Variants in HPD observed in about 807,000 individuals in gnomAD.
The protein encoded by HPD is 4-hydroxyphenylpyruvate dioxygenase.
A neutral mutation model predicts 56.9 loss-of-function variants in HPD; 35 were observed. That is an observed-to-expected ratio of 0.62 (90% confidence interval 0.47 to 0.82). The LOEUF is 0.82. Ranked by LOEUF, HPD falls within the 40% of genes least tolerant of loss-of-function variation. HPD has a pLI of 0.00. For synonymous variants in HPD, 186 were observed against 200.2 expected (o/e 0.93, Z 0.60); for missense variants, 442 against 506.8 (o/e 0.87, Z 1.23).
chr12:121,843,623 C>T (rs952872928), intron 12 of HPD, 87 bp downstream of exon 12: 1 of 1,518,274 alleles, frequency 6.6e-7, no homozygotes, highest in Non-Finnish European at 9.0e-7. Context: ...TCTGGGCTCC[C>T]CTCCGGGCTG....
chr12:121,840,052 G>A lies in HPD; in HGVS notation c.955-4C>T, dbSNP rs747789301. 45 of 1,599,952 alleles carry A rather than the reference G, an allele frequency of 2.8e-5. No individual in the cohort carries two copies. The highest frequency in any genetic ancestry group is 1.7e-4 in the Middle Eastern group (1 of 6,056). ...AGTCCACCAGGATTTTCAGCTCCTA[G>A]GCGGGAGACAGGGGGCTCTGCTAGG... is the stretch of plus-strand genomic sequence containing the variant. On this transcript the variant is annotated splice_region_variant and splice_polypyrimidine_tract_variant and intron_variant, in intron 12 of 13. Coordinates refer to ENST00000289004, the MANE Select transcript of HPD (RefSeq NM_002150.3).
At chr12:121,841,690 T>TC (rs1877411675) in intron 12 of HPD, among the ~76,000 whole-genome samples, 1 of 152,024 alleles carries the variant, frequency 6.6e-6, no homozygotes, top group East Asian at 1.9e-4. Context: ...TGATTCCTTT[T>TC]TTTTTTTTTC....
At chr12:121,884,098 A>G in the HPD span, among the ~76,000 whole-genome samples, 1 of 152,092 alleles carries the variant, frequency 6.6e-6, no homozygotes. Flanking sequence ...AAGTCTTTTA[A>G]AGCCGCTGTT....
At chr12:121,877,205 G>GTA in the HPD span, among the ~76,000 whole-genome samples, 99 of 152,178 alleles carry the variant, frequency 6.5e-4, no homozygotes, top group African/African-American at 2.3e-3. Flanking sequence ...TGTGAGGGAG[G>GTA]TATTATTCTA....
intron 4 of HPD, 88 bp downstream of exon 4, chr12:121,857,240 C>A: frequency 1.1e-6 from 1 of 882,634 alleles, no homozygotes; most frequent in South Asian, 1.3e-5. Context: ...CCATCATGCC[C>A]AGCTAATTTT....
At chr12:121,868,495 T>C (rs1054926844), upstream of HPD, among the ~76,000 whole-genome samples, 1 of 144,118 alleles carries the variant, frequency 6.9e-6, no homozygotes, top group African/African-American at 2.6e-5. Flanking sequence ...ACCCAGCCCT[T>C]TGCCTGTCTA....
chr12:121,879,509 C>CTCTT, the HPD span, among the ~76,000 whole-genome samples: 1 of 17,468 alleles, frequency 5.7e-5, no homozygotes, highest in African/African-American at 1.6e-4. Flanking sequence ...TCTCTTTTTT[C>CTCTT]TTTTCTTTTC....
At chr12:121,881,571 G>A in the HPD span, among the ~76,000 whole-genome samples, 4 of 151,918 alleles carry the variant, frequency 2.6e-5, no homozygotes, top group African/African-American at 9.7e-5. Context: ...TAAGGGGTGG[G>A]GTAAGAGACC....
chr12:121,858,906 C>T, upstream of HPD: 2 of 1,544,168 alleles, frequency 1.3e-6, no homozygotes, highest in Non-Finnish European at 1.8e-6. Flanking sequence ...GCAGGTCCCG[C>T]CCAGGCCTCC....
chr12:121,870,649 T>C, the HPD span, among the ~76,000 whole-genome samples: 1 of 141,382 alleles, frequency 7.1e-6, no homozygotes, highest in Non-Finnish European at 1.5e-5. Flanking sequence ...TAGGTTGGAG[T>C]GCAATGGCGG....
chr12:121,868,607 C>A, the HPD span, among the ~76,000 whole-genome samples: 557 of 151,370 alleles, frequency 3.7e-3, 6 homozygotes, highest in African/African-American at 0.012. Context: ...GCAGCCTCTG[C>A]CTCCCAGGTT....
intron 9 of HPD, among the ~76,000 whole-genome samples, chr12:121,847,664 A>C (rs756362514): frequency 6.6e-6 from 1 of 152,102 alleles, no homozygotes; most frequent in Non-Finnish European, 1.5e-5. Flanking sequence ...CAGCCTCCCA[A>C]GTAGCTGGGA....
chr12:121,869,966 TG>T, the HPD span, among the ~76,000 whole-genome samples: 1 of 152,068 alleles, frequency 6.6e-6, no homozygotes, highest in Non-Finnish European at 1.5e-5. Flanking sequence ...ATTTTAGAGA[TG>T]GGGTCTTCCT....
chr12:121,850,629 A>ACGTCCAGCCAATTT (rs1566571271), intron 7 of HPD, among the ~76,000 whole-genome samples: 4 of 147,270 alleles, frequency 2.7e-5, no homozygotes, highest in East Asian at 4.1e-4. Context: ...GTGTACCACC[A>ACGTCCAGCCAATTT]TGCCGGGCCC....
chr12:121,881,206 G>T, the HPD span, among the ~76,000 whole-genome samples: 1 of 152,162 alleles, frequency 6.6e-6, no homozygotes, highest in Non-Finnish European at 1.5e-5. Context: ...TGGGGGAGTT[G>T]ACTTTACTGA....
the HPD span, among the ~76,000 whole-genome samples, chr12:121,883,180 TTGTGTGTGTGTGTGTGTGTGTGTG>T: frequency 2.9e-4 from 34 of 115,458 alleles, 1 homozygote; most frequent in Middle Eastern, 4.2e-3. Context: ...GGAGCATAAG[TTGTGTGTGTGTGTGTGTGTGTGTG>T]TGTGTGTGTG....
chr12:121,861,654 T>C (rs1878177159), upstream of HPD, among the ~76,000 whole-genome samples: 1 of 152,188 alleles, frequency 6.6e-6, no homozygotes, highest in African/African-American at 2.4e-5. Context: ...TTCAGGGTTT[T>C]AAAAAGCAGT....
Position 121,853,538 on chromosome 12 carries a change from C to T in HPD, c.414+1165G>A, listed in dbSNP as rs1450204111. Among the ~76,000 whole-genome samples the T allele has an allele frequency of 2.7e-5, 4 of 150,770 alleles. No individual in the cohort carries two copies. The South Asian group carries it at 6.2e-4, about 24-fold the overall frequency. The stretch of plus-strand genomic sequence containing the variant: ...TCGGGAGGCTGAGGCAGGAGAATGG[C>T]GTGAACCCGGAAGGCAGCGCTTGCA... On this transcript the variant is annotated intron_variant, in intron 7 of 13. Transcript: ENST00000289004.
upstream of HPD, chr12:121,859,069 G>T (rs1878107878): frequency 2.3e-5 from 13 of 574,382 alleles, no homozygotes; most frequent in East Asian, 3.8e-4. Flanking sequence ...GGGAGGCAGA[G>T]TCAGGGCCAG....
Sources: allele counts gnomAD v4.1 joint callset (sites outside exome capture counted in the v4.1 genomes callset), GRCh38; gene constraint gnomAD v4.1.1; transcripts MANE v1.5; gene names NCBI Gene and HGNC (gene_info 2026-07-23, HGNC 2026-07-21).